The following VBP1 variants were observed in gnomAD, a reference collection of about 807,000 sequenced individuals.
VBP1 encodes the protein VHL binding protein 1, also known as prefoldin subunit 3.
In VBP1, 4 loss-of-function variants were observed where a neutral mutation model predicts 15.5. The observed-to-expected ratio is 0.26, with a 90% CI of 0.13 to 0.59. The LOEUF is 0.59. VBP1 is among the 20% of genes least tolerant of loss of function. The pLI is 0.90. For missense variants in VBP1, 108 were observed against 139.6 expected, an observed-to-expected ratio of 0.77 and a Z score of 1.14; for synonymous variants, 61 against 52.1, an observed-to-expected ratio of 1.17 and a Z score of -0.74.
intron 2 of VBP1, among the ~76,000 whole-genome samples, chrX:155,210,802 G>A (rs1602872993): frequency 8.9e-6 from 1 of 112,152 alleles, no homozygotes; most frequent in South Asian, 3.7e-4. Context: ...AACAGCAAGA[G>A]CAATGGTTGC....
Position 155,220,312 on chromosome X carries a change from G to A in VBP1, c.218+5G>A, listed in dbSNP as rs2074683183. The A allele has an allele frequency of 8.7e-7, 1 of 1,144,949 alleles. No individual in the cohort carries two copies. Among genetic ancestry groups the A allele is most frequent in the Non-Finnish European group, 1.2e-6 (1 of 866,125 alleles). 94.4% of individuals were successfully genotyped at this position (1,144,949 alleles called of 1,213,427 possible). ...CCTTGCTCAAAAGAAAAGAAGGTAA[G>A]TGTAAAAATTTCTAAGTTTTGAAAA... On this transcript the variant is annotated splice_donor_5th_base_variant and intron_variant, in intron 2 of 5. Coordinates refer to ENST00000286428, the MANE Select transcript of VBP1 (RefSeq NM_003372.7).
intron 1 of VBP1, among the ~76,000 whole-genome samples, chrX:155,218,169 T>C (rs1557309246): frequency 8.9e-6 from 1 of 112,033 alleles, no homozygotes; most frequent in African/African-American, 3.3e-5. Context: ...TTAAAATTTC[T>C]ACCAACATAA....
chrX:155,220,663 G>T (rs2074684890), intron 2 of VBP1, among the ~76,000 whole-genome samples: 1 of 111,617 alleles, frequency 9.0e-6, no homozygotes, highest in Non-Finnish European at 1.9e-5. Flanking sequence ...AATTAGTTAT[G>T]AAATCCCAAG....
At chrX:155,212,250 C>A (rs1031377993), upstream of VBP1, among the ~76,000 whole-genome samples, 1 of 111,839 alleles carries the variant, frequency 8.9e-6, no homozygotes, top group Admixed American at 9.5e-5. Flanking sequence ...CTTCATGTAT[C>A]CTAAGGAGTC....
At chrX:155,217,526 C>A (rs1422649798) in intron 1 of VBP1, among the ~76,000 whole-genome samples, 1 of 111,793 alleles carries the variant, frequency 8.9e-6, no homozygotes, top group Non-Finnish European at 1.9e-5. Flanking sequence ...CTTTTTTTTA[C>A]TAACTACGTC....
intron 1 of VBP1, among the ~76,000 whole-genome samples, chrX:155,218,037 C>G (rs2074673179): frequency 8.9e-6 from 1 of 111,768 alleles, no homozygotes; most frequent in Non-Finnish European, 1.9e-5. Flanking sequence ...ATGTTACATT[C>G]ATGGTGCTCA....
At chrX:155,214,602 T>G (rs1414716689), upstream of VBP1, among the ~76,000 whole-genome samples, 1 of 111,919 alleles carries the variant, frequency 8.9e-6, no homozygotes, top group East Asian at 2.8e-4. Context: ...GGTGAAAAAC[T>G]ACAACCTTTT....
chrX:155,210,532 G>A (rs1363843214), intron 2 of VBP1, among the ~76,000 whole-genome samples: 4 of 111,720 alleles, frequency 3.6e-5, no homozygotes, highest in Non-Finnish European at 7.5e-5. Context: ...CACAGTACAA[G>A]CCTTACTTCA....
Position 155,225,962 on chromosome X carries a change from T to G in VBP1, c.219-1273T>G, listed in dbSNP as rs951901661. On this transcript the variant is annotated intron_variant, in intron 2 of 5. Coordinates refer to ENST00000286428, the MANE Select transcript of VBP1 (RefSeq NM_003372.7). ...CTTGCCAGGTCAGTAGCACAGGGTG[T>G]AGTAAATTTGCCCTGCCAACCTGCT... 5.3e-5 allele frequency among the ~76,000 whole-genome samples: 6 copies of G among 112,153 alleles called. No individual in the cohort carries two copies. The South Asian group carries it at 2.2e-3, about 41-fold the overall frequency.
chrX:155,221,230 G>A (rs1352953142), intron 2 of VBP1, among the ~76,000 whole-genome samples: 1 of 111,347 alleles, frequency 9.0e-6, no homozygotes, highest in African/African-American at 3.3e-5. Flanking sequence ...TACTCGGGAG[G>A]CTGAGTTGGG....
chrX:155,210,462 A>G (rs1330617945), intron 2 of VBP1, among the ~76,000 whole-genome samples: 1 of 111,662 alleles, frequency 9.0e-6, no homozygotes, highest in Non-Finnish European at 1.9e-5. Context: ...TCTAAAAAAA[A>G]GCACATATGC....
intron 1 of VBP1, among the ~76,000 whole-genome samples, chrX:155,202,613 T>C (rs1557307617): frequency 9.3e-6 from 1 of 107,239 alleles, no homozygotes; most frequent in African/African-American, 3.5e-5. Flanking sequence ...TAATTCAAGA[T>C]GGAGTAAAGA....
intron 3 of VBP1, among the ~76,000 whole-genome samples, chrX:155,228,161 T>G (rs782083255): frequency 9.0e-6 from 1 of 111,632 alleles, no homozygotes; most frequent in Admixed American, 9.5e-5. Context: ...ACCTGAGATA[T>G]AGAAGTTAAG....
chrX:155,200,848 T>C (rs2074600350), intron 1 of VBP1, among the ~76,000 whole-genome samples: 2 of 110,101 alleles, frequency 1.8e-5, no homozygotes, highest in South Asian at 7.8e-4. Context: ...ATCAACAAAA[T>C]TGATAGACCG....
chrX:155,220,307 G>A lies in VBP1; in HGVS notation c.218G>A (p.Arg73Lys). ...MELNLAQKKR[R>K]LKGQIPEIKQ... ...CTCAACCTTGCTCAAAAGAAAAGAA[G>A]GTAAGTGTAAAAATTTCTAAGTTTT... The change falls in exon 2 of 6, where the codon AGG becomes AAG. Residue 73 changes from arginine (R) to lysine (K), a missense_variant and splice_region_variant. By Grantham distance (26) the Arg-to-Lys change is conservative. Transcript: ENST00000286428. 1 of 1,145,763 alleles carries A rather than the reference G, an allele frequency of 8.7e-7. No individual in the cohort carries two copies. Among genetic ancestry groups the A allele is most frequent in the Non-Finnish European group, 1.2e-6 (1 of 866,639 alleles). 94.4% of individuals were successfully genotyped at this position (1,145,763 alleles called of 1,213,427 possible).
intron 1 of VBP1, among the ~76,000 whole-genome samples, chrX:155,200,760 A>C (rs1168671469): frequency 9.2e-6 from 1 of 109,215 alleles, no homozygotes; most frequent in Admixed American, 9.8e-5. Context: ...AACTAAAATC[A>C]GAGCAGAACT....
intron 1 of VBP1, among the ~76,000 whole-genome samples, chrX:155,207,374 C>A (rs2074629920): frequency 8.9e-6 from 1 of 112,075 alleles, no homozygotes; most frequent in Non-Finnish European, 1.9e-5. Context: ...GGACTAGGTG[C>A]TCAGTCTAGT....
chrX:155,208,469 G>GATAC (rs2074633466), intron 1 of VBP1, among the ~76,000 whole-genome samples: 1 of 112,092 alleles, frequency 8.9e-6, no homozygotes, highest in South Asian at 3.7e-4. Flanking sequence ...TTTCATGAAA[G>GATAC]ATACATACAT....
chrX:155,236,133 G>A (rs1473579023), intron 4 of VBP1, 96 bp from the exon 5 acceptor site: 2 of 964,896 alleles, frequency 2.1e-6, no homozygotes, highest in Admixed American at 3.3e-5. Flanking sequence ...GCAGCAAGCT[G>A]GATTTGACCT....
Sources: allele counts gnomAD v4.1 joint callset (sites outside exome capture counted in the v4.1 genomes callset), GRCh38; gene constraint gnomAD v4.1.1; transcripts MANE v1.5; gene names NCBI Gene and HGNC (gene_info 2026-07-23, HGNC 2026-07-21).